RAD9B: variants seen among roughly 807,000 people sequenced by gnomAD.
The protein encoded by RAD9B is cell cycle checkpoint control protein RAD9B.
In RAD9B, 41 loss-of-function variants were observed where a neutral mutation model predicts 48.3. The ratio of observed to expected loss-of-function variants is 0.85; its 90% CI spans 0.66 to 1.10. The LOEUF is 1.10. RAD9B is among the 50% of genes least tolerant of loss of function. The pLI is 0.00. For missense variants in RAD9B, 444 were observed against 485.1 expected, an observed-to-expected ratio of 0.92 and a Z score of 0.80; for synonymous variants, 160 against 157.9, an observed-to-expected ratio of 1.01 and a Z score of -0.10.
At chr12:110,506,825 G>A in intron 4 of RAD9B, 132 bp downstream of exon 4, 1 of 537,500 alleles carries the variant, frequency 1.9e-6, no homozygotes, top group African/African-American at 2.0e-5. Flanking sequence ...AAGTGGTAGG[G>A]CAGTTTGAAG....
chr12:110,512,723 T>C (rs936571020), intron 4 of RAD9B, 56 bp from the exon 5 acceptor site: 1 of 759,200 alleles, frequency 1.3e-6, no homozygotes, highest in Non-Finnish European at 2.2e-6. Context: ...AAAGACTTCT[T>C]TAATTTGTTA....
intron 1 of RAD9B, chr12:110,503,252 A>T (rs1038369140): frequency 2.0e-5 from 3 of 152,958 alleles, no homozygotes; most frequent in Non-Finnish European, 4.4e-5. Context: ...TCTCAAAAAA[A>T]ATAAAAAATA....
chr12:110,522,395 C>T lies in RAD9B; in HGVS notation c.1109C>T (p.Ser370Phe), dbSNP rs753692522. 3 of 1,608,118 alleles carry T rather than the reference C, an allele frequency of 1.9e-6. No homozygotes were observed. Among genetic ancestry groups the T allele is most frequent in the Admixed American group, 3.4e-5 (2 of 59,254 alleles). Residue 370 changes from serine (S) to phenylalanine (F), a missense_variant, in exon 10 of 11, where the codon TCT (serine) becomes TTT (phenylalanine). By Grantham distance (155) the Ser-to-Phe change is radical. Coordinates refer to ENST00000409300, the MANE Select transcript of RAD9B (RefSeq NM_001286535.2). ...SVSNTEEVPG[S>F]LCLRKFSCMF... The stretch of plus-strand genomic sequence containing the variant: ...AGCAACACAGAGGAAGTGCCAGGGT[C>T]TCTGTGTCTCAGAAAGGTAAAAGCA...
chr12:110,511,900 G>T (rs969048792), intron 4 of RAD9B, among the ~76,000 whole-genome samples: 2 of 151,706 alleles, frequency 1.3e-5, no homozygotes, highest in Admixed American at 1.3e-4. Flanking sequence ...AGGCTGGAGT[G>T]CAGTGGCACG....
At chr12:110,530,445 G>A in intron 10 of RAD9B, 80 bp from the exon 11 acceptor site, 1 of 1,330,162 alleles carries the variant, frequency 7.5e-7, no homozygotes, top group Non-Finnish European at 1.1e-6. Context: ...TCAGGTTTCT[G>A]AGGAGGGCTG....
At chr12:110,521,204 TGGA>T in intron 9 of RAD9B, among the ~76,000 whole-genome samples, 1 of 152,346 alleles carries the variant, frequency 6.6e-6, no homozygotes, top group South Asian at 2.1e-4. Context: ...TCACCCAGGC[TGGA>T]GTGCAGTAGC....
Position 110,522,270 on chromosome 12 carries a change from T to C in RAD9B, c.984T>C (p.Pro328=), listed in dbSNP as rs992252279. Residue 328 remains proline (P), a synonymous_variant, in exon 10 of 11, where the codon CCT becomes CCC. Transcript: ENST00000409300. ...SKKAAPRRLY[P]KETLTNISAL... ...AAGCAGCACCAAGAAGGCTTTATCC[T>C]AAGGAGACTCTCACAAACATATCTG... The C allele has an allele frequency of 6.2e-7, 1 of 1,613,050 alleles. No individual in the cohort carries two copies. Among genetic ancestry groups the C allele is most frequent in the South Asian group, 1.1e-5 (1 of 90,674 alleles).
intron 6 of RAD9B, 120 bp downstream of exon 6, chr12:110,515,276 A>G (rs1202774979): frequency 1.7e-6 from 1 of 596,766 alleles, no homozygotes. Context: ...AGTAAGATGT[A>G]GAAAGGTTGG....
chr12:110,520,658 T>G (rs2063757663), intron 9 of RAD9B, among the ~76,000 whole-genome samples: 1 of 147,840 alleles, frequency 6.8e-6, no homozygotes, highest in Non-Finnish European at 1.5e-5. Context: ...TTGTTTTTTT[T>G]TTGTTTTTTT....
intron 3 of RAD9B, among the ~76,000 whole-genome samples, chr12:110,506,220 G>A (rs1359775858): frequency 1.4e-5 from 2 of 141,908 alleles, no homozygotes; most frequent in South Asian, 2.2e-4. Flanking sequence ...ACGGAGTCTC[G>A]CTTTGTCGCC....
intron 5 of RAD9B, among the ~76,000 whole-genome samples, chr12:110,514,204 T>C (rs2063546747): frequency 6.6e-6 from 1 of 152,206 alleles, no homozygotes. Context: ...TCCTGACATT[T>C]TGATAGCAAG....
Position 110,531,843 on chromosome 12 carries a change from C to T in RAD9B, c.*1190C>T, listed in dbSNP as rs967774779. 3 of 512,824 alleles carry T rather than the reference C, an allele frequency of 5.8e-6. No individual in the cohort carries two copies. Among genetic ancestry groups the T allele is most frequent in the East Asian group, 3.5e-5 (1 of 28,526 alleles). The allele number at this position is 512,824 out of a possible 1,614,324, so 31.8% of individuals were successfully genotyped here. A position where few individuals can be genotyped will look rare whatever the true frequency, so the allele number is the denominator to read the frequency against. ...TTACAGTCAATTATAACCTGACAAACGAGACTTTTGTAACATATTATTGTT... is the reference window on the plus strand; with the variant it reads ...TTACAGTCAATTATAACCTGACAAATGAGACTTTTGTAACATATTATTGTT... On this transcript the variant is annotated 3_prime_UTR_variant, in exon 11 of 11. Coordinates refer to ENST00000409300, the MANE Select transcript of RAD9B (RefSeq NM_001286535.2).
At chr12:110,524,317 C>A (rs1399144464) in intron 10 of RAD9B, among the ~76,000 whole-genome samples, 2 of 151,652 alleles carry the variant, frequency 1.3e-5, no homozygotes, top group Admixed American at 1.3e-4. Flanking sequence ...AATCCCAGCA[C>A]TTTGGGAGGC....
intron 8 of RAD9B, among the ~76,000 whole-genome samples, chr12:110,519,177 T>G (rs2063697837): frequency 6.6e-6 from 1 of 151,584 alleles, no homozygotes; most frequent in Non-Finnish European, 1.5e-5. Flanking sequence ...GATCTCGGCT[T>G]ACTGCAGGCT....
rs1192471803 is a variant in RAD9B at position 110,503,587 on chromosome 12, A to G, written c.47-219A>G. ...CATATAGAAGGACAAATTTCGGTCA[A>G]TTTTATCATTTCACACACTACAAAT... On this transcript the variant is annotated intron_variant, in intron 1 of 10. Transcript: ENST00000409300. The G allele has an allele frequency of 1.2e-5, 6 of 508,570 alleles. No individual in the cohort carries two copies. In the Admixed American group the frequency reaches 1.8e-4, roughly 16 times the overall value. 31.5% of individuals were successfully genotyped at this position (508,570 alleles called of 1,614,324 possible). A position where few individuals can be genotyped will look rare whatever the true frequency, so the allele number is the denominator to read the frequency against.
At chr12:110,517,706 G>C (rs544422677) in intron 6 of RAD9B, among the ~76,000 whole-genome samples, 1 of 151,094 alleles carries the variant, frequency 6.6e-6, no homozygotes, top group African/African-American at 2.4e-5. Context: ...GTATGTATCA[G>C]AGAGGTTTAA....
chr12:110,506,446 C>G lies in RAD9B; in HGVS notation c.274-133C>G, dbSNP rs569892210. 262 of 543,560 alleles carry G rather than the reference C, an allele frequency of 4.8e-4. 2 individuals carry two copies. In the African/African-American group the frequency reaches 4.9e-3, roughly 10 times the overall value. 33.7% of individuals were successfully genotyped at this position (543,560 alleles called of 1,614,324 possible). On this transcript the variant is annotated intron_variant, in intron 3 of 10. Coordinates refer to ENST00000409300, the MANE Select transcript of RAD9B (RefSeq NM_001286535.2). ...CTCGTGATCCGCCCGCCTCGGCCTC[C>G]CAAAGTGCTGGGATTACAGGCGTGA...
chr12:110,530,041 GTTTT>G (rs894537043), intron 10 of RAD9B, among the ~76,000 whole-genome samples: 2 of 151,776 alleles, frequency 1.3e-5, no homozygotes, highest in African/African-American at 4.8e-5. Context: ...GGAAAGGTTT[GTTTT>G]TTTTGTTTAA....
chr12:110,517,450 C>T (rs1351788230), intron 6 of RAD9B, among the ~76,000 whole-genome samples: 1 of 151,864 alleles, frequency 6.6e-6, no homozygotes, highest in African/African-American at 2.4e-5. Flanking sequence ...CATGGTGAAA[C>T]CCTTTCTCTA....
Sources: gnomAD v4.1 joint callset for allele counts (sites outside exome capture counted in the v4.1 genomes callset) on GRCh38, gnomAD v4.1.1 for gene constraint, MANE v1.5 for transcripts, NCBI Gene and HGNC (gene_info 2026-07-23, HGNC 2026-07-21) for gene names.